KCNH7: variants seen among roughly 807,000 people sequenced by gnomAD.
KCNH7 encodes potassium voltage-gated channel subfamily H member 7, also known as voltage-gated inwardly rectifying potassium channel KCNH7.
In KCNH7, 49 loss-of-function variants were observed where a neutral mutation model predicts 120.8. That is an observed-to-expected ratio of 0.41 (90% CI 0.32 to 0.51). KCNH7 has a LOEUF of 0.51. Among genes scored for constraint, KCNH7 ranks in the 20% least tolerant of loss-of-function variants. The pLI is 0.38. For missense variants in KCNH7, 1,097 were observed against 1,446.6 expected (o/e 0.76, Z 3.92); for synonymous variants, 547 against 516.1 (o/e 1.06, Z -0.81).
At chr2:162,405,111 A>G (rs1687170866) in intron 9 of KCNH7, among the ~76,000 whole-genome samples, 2 of 152,050 alleles carry the variant, frequency 1.3e-5, no homozygotes, top group East Asian at 3.9e-4. Context: ...TTCAAGTTCC[A>G]GAAAATTTTT....
rs147997983 is a variant in KCNH7 at position 162,595,713 on chromosome 2, C to A, written c.308-58633G>T. Among the ~76,000 whole-genome samples the A allele has an allele frequency of 2.6e-3, 391 of 151,814 alleles. 3 individuals carry two copies. The highest frequency in any genetic ancestry group is 8.8e-3 in the African/African-American group (366 of 41,432). On this transcript the variant is annotated intron_variant, in intron 2 of 15. Transcript: ENST00000332142. ...ATTCACATTGTGCTGGAAGTCCTAG[C>A]CTGAGCAATTAGTCAAGAAAAAGAA... is the stretch of plus-strand genomic sequence containing the variant.
intron 5 of KCNH7, among the ~76,000 whole-genome samples, chr2:162,505,338 T>A (rs896986649): frequency 6.6e-6 from 1 of 151,760 alleles, no homozygotes; most frequent in Admixed American, 6.6e-5. Context: ...TATGTTTAAG[T>A]CTTGACCACT....
chr2:162,787,976 T>G (rs1245550255), intron 2 of KCNH7, among the ~76,000 whole-genome samples: 1 of 151,426 alleles, frequency 6.6e-6, no homozygotes, highest in East Asian at 1.9e-4. Flanking sequence ...AAAGGCTGAC[T>G]GGTGAAGTGC....
rs116254359 is a variant in KCNH7, at chr2:162,790,610, A to C, written c.307+45927T>G. Reference sequence around the variant, plus strand: ...AAAATACTAGCAAACTGAATGGAACAGCACATTAAGAGGATCATTCATCAT... The same window carrying C: ...AAAATACTAGCAAACTGAATGGAACCGCACATTAAGAGGATCATTCATCAT... On this transcript the variant is annotated intron_variant, in intron 2 of 15. Coordinates refer to ENST00000332142, the MANE Select transcript of KCNH7 (RefSeq NM_033272.4). 5.1e-3 allele frequency among the ~76,000 whole-genome samples: 783 copies of C among 152,228 alleles called. 10 individuals are homozygous for C. The highest frequency in any genetic ancestry group is 0.018 in the African/African-American group (737 of 41,574).
At chr2:162,374,577 TAAAAC>T (rs778766813) in intron 14 of KCNH7, among the ~76,000 whole-genome samples, 5 of 151,748 alleles carry the variant, frequency 3.3e-5, no homozygotes, top group Non-Finnish European at 7.4e-5. Flanking sequence ...AAAATGGAAA[TAAAAC>T]AAAAAAAGGA....
At chr2:162,570,620 T>G (rs1235578444) in intron 2 of KCNH7, among the ~76,000 whole-genome samples, 2 of 152,170 alleles carry the variant, frequency 1.3e-5, no homozygotes, top group Admixed American at 6.6e-5. Context: ...AGTTTCTTCC[T>G]AGTCTTGATG....
chr2:162,500,438 C>CGAAT (rs1405129318), intron 6 of KCNH7, among the ~76,000 whole-genome samples: 3 of 150,234 alleles, frequency 2.0e-5, no homozygotes, highest in Non-Finnish European at 1.5e-5. Flanking sequence ...GAATGACCAA[C>CGAAT]GAATGAATGA....
chr2:162,605,334 C>T (rs931571704), intron 2 of KCNH7, among the ~76,000 whole-genome samples: 1 of 152,134 alleles, frequency 6.6e-6, no homozygotes, highest in African/African-American at 2.4e-5. Context: ...ATTACTGTCA[C>T]AGACTACATG....
chr2:162,513,476 T>G (rs1691181377), intron 4 of KCNH7, among the ~76,000 whole-genome samples: 1 of 19,484 alleles, frequency 5.1e-5, no homozygotes, highest in East Asian at 1.9e-3. Context: ...CCTCCTTCCT[T>G]CCTTCCTTCC....
chr2:162,548,030 G>A (rs182974283), intron 2 of KCNH7, among the ~76,000 whole-genome samples: 15 of 152,208 alleles, frequency 9.9e-5, no homozygotes, highest in African/African-American at 3.6e-4. Flanking sequence ...AGGTATTTTA[G>A]CCCTCTCCTC....
At chr2:162,588,923 G>A (rs1694112165) in intron 2 of KCNH7, among the ~76,000 whole-genome samples, 1 of 151,994 alleles carries the variant, frequency 6.6e-6, no homozygotes, top group Non-Finnish European at 1.5e-5. Context: ...CCAATGGTGG[G>A]TGCGATCCTA....
intron 2 of KCNH7, among the ~76,000 whole-genome samples, chr2:162,691,822 TTAC>T (rs1271778043): frequency 1.3e-5 from 2 of 152,134 alleles, no homozygotes; most frequent in African/African-American, 4.8e-5. Context: ...AATATTGCTG[TTAC>T]TACTAATTAA....
chr2:162,814,570 T>A lies in KCNH7; in HGVS notation c.307+21967A>T, dbSNP rs534695670. Among the ~76,000 whole-genome samples the A allele has an allele frequency of 7.6e-4, 116 of 152,328 alleles. 1 individual carries two copies. Among genetic ancestry groups the A allele is most frequent in the Middle Eastern group, 6.8e-3 (2 of 294 alleles). On this transcript the variant is annotated intron_variant, in intron 2 of 15. Coordinates refer to ENST00000332142, the MANE Select transcript of KCNH7 (RefSeq NM_033272.4). ...CTGTCAATATATGATTCTCACACAA[T>A]AAGATGTAATGAATTCCAGCACTTC...
intron 2 of KCNH7, among the ~76,000 whole-genome samples, chr2:162,591,864 C>A (rs1418169900): frequency 1.3e-5 from 2 of 152,076 alleles, no homozygotes; most frequent in Non-Finnish European, 2.9e-5. Context: ...CCTGTTAGCA[C>A]TTCCTTTTCT....
intron 2 of KCNH7, among the ~76,000 whole-genome samples, chr2:162,671,326 T>C (rs779535358): frequency 1.4e-4 from 21 of 151,906 alleles, no homozygotes; most frequent in Non-Finnish European, 2.4e-4. Flanking sequence ...CAATGGATAA[T>C]TGGATGAAAA....
intron 6 of KCNH7, among the ~76,000 whole-genome samples, chr2:162,479,828 T>C (rs76846105): frequency 0.091 from 13,876 of 152,116 alleles, 902 homozygotes; most frequent in African/African-American, 0.18. Flanking sequence ...CCTAATGCCT[T>C]TTTTTAGTTC....
At chr2:162,382,662 A>G (rs1173779063) in intron 13 of KCNH7, among the ~76,000 whole-genome samples, 2 of 152,042 alleles carry the variant, frequency 1.3e-5, no homozygotes, top group East Asian at 1.9e-4. Context: ...TGTTAGGAAT[A>G]TGAGTGAGTG....
intron 6 of KCNH7, among the ~76,000 whole-genome samples, chr2:162,479,220 T>C (rs1474630086): frequency 3.3e-5 from 5 of 151,432 alleles, no homozygotes; most frequent in Non-Finnish European, 7.4e-5. Context: ...ATATATCTTA[T>C]ATTCATTGAT....
At chr2:162,597,714 G>T (rs1213795594) in intron 2 of KCNH7, among the ~76,000 whole-genome samples, 2 of 152,060 alleles carry the variant, frequency 1.3e-5, no homozygotes, top group African/African-American at 2.4e-5. Flanking sequence ...TCACTGCAAA[G>T]AAATGAAAAG....
Sources: gnomAD v4.1 joint callset for allele counts (sites outside exome capture counted in the v4.1 genomes callset) on GRCh38, gnomAD v4.1.1 for gene constraint, MANE v1.5 for transcripts, NCBI Gene and HGNC (gene_info 2026-07-23, HGNC 2026-07-21) for gene names.